DTD1: variants seen among roughly 807,000 people sequenced by gnomAD.
The protein encoded by DTD1 is D-tyrosyl-tRNA deacylase 1 homolog.
In DTD1, 13 loss-of-function variants were observed where a neutral mutation model predicts 25.6. The ratio of observed to expected loss-of-function variants is 0.51; its 90% CI spans 0.33 to 0.81. The LOEUF is 0.81. DTD1 is among the 30% of genes least tolerant of loss of function. The pLI is 0.02. For synonymous variants in DTD1, 110 were observed against 103.6 expected, an observed-to-expected ratio of 1.06 and a Z score of -0.37; for missense variants, 193 against 266.4, an observed-to-expected ratio of 0.72 and a Z score of 1.92.
intron 4 of DTD1, among the ~76,000 whole-genome samples, chr20:18,651,106 A>AT (rs1352884159): frequency 6.6e-6 from 1 of 152,118 alleles, no homozygotes; most frequent in Non-Finnish European, 1.5e-5. Flanking sequence ...CAAGAGGTGG[A>AT]TTTTCAAAAA....
chr20:18,606,411 G>A (rs371887059), intron 3 of DTD1, among the ~76,000 whole-genome samples: 37 of 131,882 alleles, frequency 2.8e-4, no homozygotes, highest in Middle Eastern at 3.8e-3. Flanking sequence ...CATTTGACCC[G>A]GCCATCCCAT....
chr20:18,671,849 G>A (rs2060952199), intron 4 of DTD1, among the ~76,000 whole-genome samples: 1 of 152,154 alleles, frequency 6.6e-6, no homozygotes, highest in Non-Finnish European at 1.5e-5. Flanking sequence ...TGGAAAGCTG[G>A]GGCCAGTGTG....
chr20:18,677,580 A>G (rs1196999040), intron 4 of DTD1, among the ~76,000 whole-genome samples: 1 of 152,170 alleles, frequency 6.6e-6, no homozygotes, highest in Non-Finnish European at 1.5e-5. Flanking sequence ...AATGCTTTTC[A>G]TAAGCCATGG....
At chr20:18,669,579 A>C (rs1380585226) in intron 4 of DTD1, among the ~76,000 whole-genome samples, 1 of 152,092 alleles carries the variant, frequency 6.6e-6, no homozygotes, top group Admixed American at 6.5e-5. Context: ...TGATAATGAA[A>C]ACAACGAGTG....
chr20:18,744,731 G>A (rs1370949316), intron 5 of DTD1, among the ~76,000 whole-genome samples: 1 of 151,750 alleles, frequency 6.6e-6, no homozygotes, highest in Non-Finnish European at 1.5e-5. Flanking sequence ...ACAGTATGGG[G>A]GAAACTGCCC....
At chr20:18,618,284 A>G (rs894868591) in intron 3 of DTD1, among the ~76,000 whole-genome samples, 4 of 152,042 alleles carry the variant, frequency 2.6e-5, no homozygotes, top group African/African-American at 9.7e-5. Context: ...ACATTTTTTC[A>G]GATGTTTGAC....
intron 3 of DTD1, among the ~76,000 whole-genome samples, chr20:18,622,854 A>G (rs2060740369): frequency 1.3e-5 from 2 of 151,812 alleles, no homozygotes; most frequent in Admixed American, 1.3e-4. Context: ...GTTTCCCAAT[A>G]TCCCGCAAGT....
intron 4 of DTD1, among the ~76,000 whole-genome samples, chr20:18,722,594 C>T (rs2061208464): frequency 6.6e-6 from 1 of 152,182 alleles, no homozygotes; most frequent in Non-Finnish European, 1.5e-5. Flanking sequence ...TTGACTCATT[C>T]ACCACTTGCA....
chr20:18,687,516 A>G (rs1600369033), intron 4 of DTD1, among the ~76,000 whole-genome samples: 2 of 152,006 alleles, frequency 1.3e-5, no homozygotes, highest in South Asian at 4.2e-4. Context: ...TTTATAGTGT[A>G]TTATGTTTGT....
chr20:18,707,425 C>T (rs1568676130), intron 4 of DTD1, among the ~76,000 whole-genome samples: 4 of 152,162 alleles, frequency 2.6e-5, no homozygotes, highest in Admixed American at 1.3e-4. Flanking sequence ...ACTCACCCTG[C>T]GTGCTCACTC....
At chr20:18,633,502 T>G (rs938449037) in intron 4 of DTD1, among the ~76,000 whole-genome samples, 2 of 152,150 alleles carry the variant, frequency 1.3e-5, no homozygotes, top group African/African-American at 4.8e-5. Flanking sequence ...TGAGTGTTGT[T>G]CACTGCCCTG....
chr20:18,695,222 C>T (rs568510452), intron 4 of DTD1, among the ~76,000 whole-genome samples: 9 of 151,930 alleles, frequency 5.9e-5, no homozygotes, highest in African/African-American at 1.9e-4. Flanking sequence ...GGTAGCTGGC[C>T]GCAGAACCCA....
At chr20:18,627,452 C>T (rs538275255) in intron 3 of DTD1, among the ~76,000 whole-genome samples, 3 of 152,204 alleles carry the variant, frequency 2.0e-5, no homozygotes, top group Non-Finnish European at 4.4e-5. Context: ...CTGTGTTTGC[C>T]TTCCCACCAT....
chr20:18,631,931 C>G, intron 4 of DTD1: 1 of 977,468 alleles, frequency 1.0e-6, no homozygotes, highest in Non-Finnish European at 1.2e-6. Context: ...TCAAAGGGTA[C>G]AAAGATGCAG....
chr20:18,683,480 C>T lies in DTD1; in HGVS notation c.477+55247C>T, dbSNP rs907435830. ...CAACAGCAAGCCAATAGTCATTTCTCGAGTGGCATATACCATACCACTATG... is the reference window on the plus strand; with the variant it reads ...CAACAGCAAGCCAATAGTCATTTCTTGAGTGGCATATACCATACCACTATG... On this transcript the variant is annotated intron_variant, in intron 4 of 5. Transcript: ENST00000377452. Among the ~76,000 whole-genome samples the T allele has an allele frequency of 4.6e-5, 7 of 152,272 alleles. No homozygotes were observed. The South Asian group carries it at 8.3e-4, about 18-fold the overall frequency.
At chr20:18,642,789 C>A in intron 4 of DTD1, 1 of 159,804 alleles carries the variant, frequency 6.3e-6, no homozygotes, top group South Asian at 1.7e-4. Flanking sequence ...GAGATCTTGC[C>A]CCTGGTCTTC....
In DTD1 at chr20:18,741,607, G is replaced by A. The variant is rs775873692; in HGVS notation, c.478-2493G>A. ...CTTCCAGGCCATACTGTATTTGCAT[G>A]AGCTCACTAGCTATGTAGAGTATTA... is the stretch of plus-strand genomic sequence containing the variant. On this transcript the variant is annotated intron_variant, in intron 4 of 5. Transcript: ENST00000377452. Among the ~76,000 whole-genome samples, 5 of 152,132 alleles carry A rather than the reference G, an allele frequency of 3.3e-5. No individual in the cohort carries two copies. The East Asian group carries it at 7.7e-4, about 23-fold the overall frequency.
intron 4 of DTD1, among the ~76,000 whole-genome samples, chr20:18,677,069 C>G (rs2060979014): frequency 6.6e-6 from 1 of 152,164 alleles, no homozygotes; most frequent in African/African-American, 2.4e-5. Flanking sequence ...TTATAAATAA[C>G]ATACAGCTGA....
chr20:18,651,986 A>T (rs1568658989), intron 4 of DTD1, among the ~76,000 whole-genome samples: 1 of 152,212 alleles, frequency 6.6e-6, no homozygotes, highest in Admixed American at 6.5e-5. Context: ...GCCGTTAGCC[A>T]CTGGTTCCTG....
Sources: gnomAD v4.1 joint callset for allele counts (sites outside exome capture counted in the v4.1 genomes callset) on GRCh38, gnomAD v4.1.1 for gene constraint, MANE v1.5 for transcripts, NCBI Gene and HGNC (gene_info 2026-07-23, HGNC 2026-07-21) for gene names.